ONECUT1: variants seen among roughly 807,000 people sequenced by gnomAD.
The protein encoded by ONECUT1 is one cut homeobox 1.
A neutral mutation model predicts 25.6 loss-of-function variants in ONECUT1; 12 were observed. That is an observed-to-expected ratio of 0.47 (90% CI 0.30 to 0.76). ONECUT1 has a LOEUF of 0.76. Ranked by LOEUF, ONECUT1 falls within the 30% of genes least tolerant of loss-of-function variation. ONECUT1 has a pLI of 0.07. For missense variants in ONECUT1, 620 were observed against 651.2 expected, an observed-to-expected ratio of 0.95 and a Z score of 0.52; for synonymous variants, 285 against 270.2, an observed-to-expected ratio of 1.05 and a Z score of -0.54.
chr15:52,764,016 CA>C (rs1369757775), intron 1 of ONECUT1, among the ~76,000 whole-genome samples: 1 of 152,214 alleles, frequency 6.6e-6, no homozygotes, highest in Admixed American at 6.5e-5. Flanking sequence ...CTTTCTAAAA[CA>C]TAGTATATAG....
At position 52,777,737 on chromosome 15, in the gene ONECUT1, C is replaced by CACAAAAAAAA. The variant is rs57187579; in HGVS notation, c.1105+11042_1105+11043insTTTTTTTTGT. The stretch of plus-strand genomic sequence containing the variant: ...ACACACACACACACACACACACACA[C>CACAAAAAAAA]AAAAAAACATGTAAAGTTATTTGTT... On this transcript the variant is annotated intron_variant, in intron 1 of 1. Coordinates refer to ENST00000305901, the MANE Select transcript of ONECUT1 (RefSeq NM_004498.4). 4.2e-4 allele frequency among the ~76,000 whole-genome samples: 43 copies of CACAAAAAAAA among 103,444 alleles called. 1 individual carries two copies. In the East Asian group the frequency reaches 8.2e-3, roughly 20 times the overall value. 67.9% of individuals were successfully genotyped at this position (103,444 alleles called of 152,430 possible).
In ONECUT1 at chr15:52,757,523, T is replaced by C. The variant is rs376178069; in HGVS notation, c.*32A>G. 1.3e-6 allele frequency: 2 copies of C among 1,568,584 alleles called. No homozygotes were observed. Among genetic ancestry groups the C allele is most frequent in the African/African-American group, 2.8e-5 (2 of 72,594 alleles). ...AAAAATTTTTTTTAATTTAAAGCTT[T>C]TCCACCGAGGTTTTAGTTTGTGGTT... On this transcript the variant is annotated 3_prime_UTR_variant, in exon 2 of 2. Transcript: ENST00000305901.
chr15:52,776,757 C>T (rs991212392), intron 1 of ONECUT1, among the ~76,000 whole-genome samples: 1 of 152,238 alleles, frequency 6.6e-6, no homozygotes, highest in Non-Finnish European at 1.5e-5. Context: ...ATACAATAAA[C>T]ACCTCATTCC....
At chr15:52,771,514 C>A (rs886746669) in intron 1 of ONECUT1, among the ~76,000 whole-genome samples, 2 of 149,826 alleles carry the variant, frequency 1.3e-5, no homozygotes, top group African/African-American at 2.5e-5. Flanking sequence ...AGAATGTATA[C>A]CAACATATAA....
intron 1 of ONECUT1, among the ~76,000 whole-genome samples, chr15:52,783,447 CTATCT>C (rs969239100): frequency 2.0e-5 from 3 of 152,244 alleles, no homozygotes; most frequent in African/African-American, 4.8e-5. Context: ...CAAAGACATT[CTATCT>C]GCCTACCGGG....
In ONECUT1 at chr15:52,784,807, G is replaced by T. The variant is rs901091381; in HGVS notation, c.1105+3973C>A. ...TACCGGGATGCACTGCCACTTTTCG[G>T]CCTGGCGGGCTCTGGGACTCCTTGG... On this transcript the variant is annotated intron_variant, in intron 1 of 1. Transcript: ENST00000305901. This position sits in a 1 kb window ranked among gnomAD's most constrained non-coding sequence, Gnocchi z 5.0. Among the ~76,000 whole-genome samples, 2 of 152,222 alleles carry T rather than the reference G, an allele frequency of 1.3e-5. No individual in the cohort carries two copies. Among genetic ancestry groups the T allele is most frequent in the African/African-American group, 4.8e-5 (2 of 41,468 alleles).
chr15:52,786,607 G>A (rs2083876319), intron 1 of ONECUT1, among the ~76,000 whole-genome samples: 1 of 152,380 alleles, frequency 6.6e-6, no homozygotes, highest in Admixed American at 6.5e-5. Context: ...CCATGTTTGC[G>A]CCTCCAGCGT....
chr15:52,787,971 A>G (rs2083887941), intron 1 of ONECUT1: 2 of 152,006 alleles, frequency 1.3e-5, no homozygotes, highest in Non-Finnish European at 1.5e-5. Flanking sequence ...ACACACTCTC[A>G]TCCCCAAACC....
rs78563996 is a variant in ONECUT1 at position 52,784,351 on chromosome 15, C to G, written c.1105+4429G>C. Among the ~76,000 whole-genome samples, 1 of 152,192 alleles carries G rather than the reference C, an allele frequency of 6.6e-6. No individual in the cohort carries two copies. The highest frequency in any genetic ancestry group is 3.2e-3 in the Middle Eastern group (1 of 316). ...GGCTGGTCGCCCCAGCTACCGGGAT[C>G]CCTCTCCGGATGCTTCCAGGGCGAT... On this transcript the variant is annotated intron_variant, in intron 1 of 1. Transcript: ENST00000305901. The surrounding 1 kb of genome is among the most constrained non-coding windows in gnomAD (Gnocchi z 5.0).
intron 1 of ONECUT1, among the ~76,000 whole-genome samples, chr15:52,762,382 T>A (rs72740266): frequency 3.3e-5 from 5 of 152,262 alleles, no homozygotes; most frequent in Admixed American, 2.6e-4. Flanking sequence ...TCATAACATA[T>A]GTAAGCACAG....
In ONECUT1 at chr15:52,770,970, T is replaced by G. The variant is rs1046383123; in HGVS notation, c.1106-13123A>C. 2.6e-5 allele frequency among the ~76,000 whole-genome samples: 4 copies of G among 152,210 alleles called. No homozygotes were observed. The South Asian group carries it at 8.3e-4, about 32-fold the overall frequency. On this transcript the variant is annotated intron_variant, in intron 1 of 1. Transcript: ENST00000305901. ...ACAAGAATAAGGAGCAATAGGCACT[T>G]TTGATGGGAACATCAATTGGAACAA...
chr15:52,788,686 G>A lies in ONECUT1; in HGVS notation c.1105+94C>T, dbSNP rs2083893012. On this transcript the variant is annotated intron_variant, in intron 1 of 1. Coordinates refer to ENST00000305901, the MANE Select transcript of ONECUT1 (RefSeq NM_004498.4). This position sits in a 1 kb window ranked among gnomAD's most constrained non-coding sequence, Gnocchi z 4.3. ...TAGGGGTAGGGGCGGGCGGGATGAA[G>A]CGCACCCAGCCCTCTCTCCTACCCT... 2 of 1,366,408 alleles carry A rather than the reference G, an allele frequency of 1.5e-6. No individual in the cohort carries two copies. Among genetic ancestry groups the A allele is most frequent in the Non-Finnish European group, 2.0e-6 (2 of 1,004,346 alleles). The allele number at this position is 1,366,408 out of a possible 1,614,324, so 84.6% of individuals were successfully genotyped here.
chr15:52,773,777 T>A (rs564880491), intron 1 of ONECUT1, among the ~76,000 whole-genome samples: 1 of 152,166 alleles, frequency 6.6e-6, no homozygotes, highest in Non-Finnish European at 1.5e-5. Context: ...CAGTGAAATC[T>A]GGGACAATTT....
chr15:52,778,604 T>G (rs1462482271), intron 1 of ONECUT1, among the ~76,000 whole-genome samples: 1 of 152,224 alleles, frequency 6.6e-6, no homozygotes, highest in Non-Finnish European at 1.5e-5. Flanking sequence ...CTTGTCTTAC[T>G]AGAACACAAG....
Position 52,790,051 on chromosome 15 carries a change from C to T in ONECUT1, c.-167G>A. On this transcript the variant is annotated 5_prime_UTR_variant, in exon 1 of 2. Transcript: ENST00000305901. ...TCTCTCTCTCTCCGTGTGTGTGTGT[C>T]CGTGTGTGCGTGTGCGTGTGTGTGT... The T allele has an allele frequency of 9.1e-7, 1 of 1,096,392 alleles. No individual in the cohort carries two copies. Among genetic ancestry groups the T allele is most frequent in the Non-Finnish European group, 1.2e-6 (1 of 847,290 alleles). The allele number at this position is 1,096,392 out of a possible 1,614,324, so 67.9% of individuals were successfully genotyped here. A position where few individuals can be genotyped will look rare whatever the true frequency, so the allele number is the denominator to read the frequency against.
At chr15:52,761,069 G>A (rs1361025747) in intron 1 of ONECUT1, among the ~76,000 whole-genome samples, 2 of 150,880 alleles carry the variant, frequency 1.3e-5, no homozygotes, top group Admixed American at 1.3e-4. Context: ...GGCTGTAGGA[G>A]ATGGGGGTAT....
In ONECUT1 at chr15:52,780,725, T is replaced by C. The variant is rs1482643623; in HGVS notation, c.1105+8055A>G. On this transcript the variant is annotated intron_variant, in intron 1 of 1. Transcript: ENST00000305901. ...TGGCGCGCTTCGCTCGTTTGTTTAT[T>C]TAATTTTCCCCATTGATCTGTTTTA... The C allele has an allele frequency of 2.0e-6, 3 of 1,503,930 alleles. No individual in the cohort carries two copies. In the Admixed American group the frequency reaches 6.7e-5, roughly 34 times the overall value. The allele number at this position is 1,503,930 out of a possible 1,614,324, so 93.2% of individuals were successfully genotyped here.
At chr15:52,778,207 C>T (rs1240125363) in intron 1 of ONECUT1, among the ~76,000 whole-genome samples, 1 of 152,200 alleles carries the variant, frequency 6.6e-6, no homozygotes, top group Non-Finnish European at 1.5e-5. Context: ...CATTAGTTGC[C>T]TTGTGAAGCT....
At chr15:52,758,560 C>CCATGTTCATGTT (rs2083687550) in intron 1 of ONECUT1, among the ~76,000 whole-genome samples, 1 of 152,080 alleles carries the variant, frequency 6.6e-6, no homozygotes, top group Non-Finnish European at 1.5e-5. Flanking sequence ...ACTAAACCTG[C>CCATGTTCATGTT]CAAGTTAGCC....
Sources: gnomAD v4.1 joint callset for allele counts (sites outside exome capture counted in the v4.1 genomes callset) on GRCh38, gnomAD v4.1.1 for gene constraint, Gnocchi (gnomAD v3.1) non-coding constraint, MANE v1.5 for transcripts, NCBI Gene and HGNC (gene_info 2026-07-23, HGNC 2026-07-21) for gene names.